Variants in HEATR4 observed in about 807,000 individuals in gnomAD.
HEATR4 encodes the protein HEAT repeat containing 4, also known as HEAT repeat-containing protein 4.
Under a neutral mutation model 108.8 loss-of-function variants are expected in HEATR4, and 95 were observed. The ratio of observed to expected loss-of-function variants is 0.87; its 90% CI spans 0.74 to 1.04. The LOEUF (loss-of-function observed/expected upper bound fraction) is 1.04. Among genes scored for constraint, HEATR4 ranks in the 50% least tolerant of loss-of-function variants. HEATR4 has a pLI of 0.00. For missense variants in HEATR4, 1,152 were observed against 1,253.8 expected (o/e 0.92, Z 1.23); for synonymous variants, 443 against 459.4 (o/e 0.96, Z 0.46).
At chr14:73,491,735 G>A (rs1275016975) in intron 17 of HEATR4, 1 of 1,554,072 alleles carries the variant, frequency 6.4e-7, no homozygotes, top group Non-Finnish European at 8.7e-7. Context: ...CTACTACCAG[G>A]GACTTTTCTC....
At chr14:73,519,514 G>T (rs753799078) in intron 4 of HEATR4, among the ~76,000 whole-genome samples, 4 of 152,130 alleles carry the variant, frequency 2.6e-5, no homozygotes, top group Non-Finnish European at 4.4e-5. Flanking sequence ...GGGAGGCCGA[G>T]GTGGGTGGAT....
At chr14:73,577,169 C>A in the HEATR4 span, among the ~76,000 whole-genome samples, 1 of 151,774 alleles carries the variant, frequency 6.6e-6, no homozygotes, top group Admixed American at 6.6e-5. Flanking sequence ...CGAGCTCAAA[C>A]AATCCTCCTG....
Position 73,478,831 on chromosome 14 carries a change from G to C in HEATR4, c.2856C>G (p.Pro952=). The C allele has an allele frequency of 6.2e-7, 1 of 1,603,210 alleles. No individual in the cohort carries two copies. The highest frequency in any genetic ancestry group is 8.5e-7 in the Non-Finnish European group (1 of 1,174,154). The change falls in exon 18 of 18, where the codon CCC becomes CCG. Residue 952 remains proline (P), a synonymous_variant. Transcript: ENST00000553558. ...TTTGTAACCAGGGATTTGGTGCGCG[G>C]GGCTTCACAGGCTGCAGAGAAACAT... ...DTEAVIKPVK[P]RAPNPWLQSS...
chr14:73,509,575 G>A (rs1214410527), intron 7 of HEATR4, 102 bp from the exon 8 acceptor site: 7 of 1,169,324 alleles, frequency 6.0e-6, no homozygotes, highest in Non-Finnish European at 8.7e-6. Context: ...AGTCCCAGCT[G>A]CAGTTGCTTA....
the HEATR4 span, chr14:73,611,521 G>C: frequency 6.6e-6 from 1 of 152,158 alleles, no homozygotes; most frequent in South Asian, 2.1e-4. Context: ...CACAGGCTGA[G>C]AGTGCCACTT....
At chr14:73,561,209 T>C (rs530145502), upstream of HEATR4, among the ~76,000 whole-genome samples, 3 of 150,734 alleles carry the variant, frequency 2.0e-5, no homozygotes, top group South Asian at 6.3e-4. Flanking sequence ...CTACTAAAAA[T>C]ACAAAAATTA....
At chr14:73,478,891 G>T in intron 17 of HEATR4, 49 bp from the exon 18 acceptor site, 1 of 1,442,074 alleles carries the variant, frequency 6.9e-7, no homozygotes, top group Non-Finnish European at 9.5e-7. Flanking sequence ...CGTGTCTCAT[G>T]TGAGCGGCAG....
At chr14:73,567,207 G>A in the HEATR4 span, among the ~76,000 whole-genome samples, 1 of 152,088 alleles carries the variant, frequency 6.6e-6, no homozygotes, top group Admixed American at 6.6e-5. Context: ...AGTAAACTGG[G>A]ATTACAGGCG....
intron 10 of HEATR4, 105 bp downstream of exon 10, chr14:73,506,362 T>G (rs1265443993): frequency 5.4e-6 from 4 of 735,940 alleles, no homozygotes; most frequent in Non-Finnish European, 9.5e-6. Flanking sequence ...GGAACAGAGA[T>G]CTGTTTGGTA....
At chr14:73,579,274 A>T in the HEATR4 span, among the ~76,000 whole-genome samples, 26 of 91,762 alleles carry the variant, frequency 2.8e-4, no homozygotes, top group African/African-American at 1.7e-3. Flanking sequence ...TTAAAAAAAA[A>T]AAAAAAAAAA....
chr14:73,549,455 A>G (rs1889288244), intron 1 of HEATR4, among the ~76,000 whole-genome samples: 1 of 128,436 alleles, frequency 7.8e-6, no homozygotes, highest in African/African-American at 2.7e-5. Context: ...CCCAGGAAGT[A>G]GAGAACATTC....
In HEATR4 at chr14:73,544,175, T is replaced by G. The variant is rs1279656568; in HGVS notation, c.-151-13931A>C. ...CGGGCGTGGTGGCGCATGCCTGTAGTCCCAGCTACTCAGGAGGCTGACGCA... is the reference window on the plus strand; with the variant it reads ...CGGGCGTGGTGGCGCATGCCTGTAGGCCCAGCTACTCAGGAGGCTGACGCA... On this transcript the variant is annotated intron_variant, in intron 1 of 17. Coordinates refer to ENST00000553558, the MANE Select transcript of HEATR4 (RefSeq NM_001220484.1). 7.0e-5 allele frequency among the ~76,000 whole-genome samples: 8 copies of G among 114,794 alleles called. 2 individuals carry two copies. The highest frequency in any genetic ancestry group is 2.0e-4 in the African/African-American group (7 of 35,436). 75.3% of individuals were successfully genotyped at this position (114,794 alleles called of 152,430 possible). A position where few individuals can be genotyped will look rare whatever the true frequency, so the allele number is the denominator to read the frequency against.
intron 11 of HEATR4, among the ~76,000 whole-genome samples, chr14:73,501,372 G>A (rs1198525115): frequency 1.3e-5 from 2 of 151,832 alleles, no homozygotes; most frequent in South Asian, 2.1e-4. Context: ...TGATCTGCCC[G>A]CCTCGGCCTC....
At chr14:73,502,472 T>C (rs1180527156) in intron 11 of HEATR4, among the ~76,000 whole-genome samples, 1 of 152,134 alleles carries the variant, frequency 6.6e-6, no homozygotes, top group Non-Finnish European at 1.5e-5. Flanking sequence ...GGACTGTTAA[T>C]TTTTTACAGT....
chr14:73,610,442 T>C, the HEATR4 span, among the ~76,000 whole-genome samples: 1 of 151,972 alleles, frequency 6.6e-6, no homozygotes, highest in Admixed American at 6.6e-5. Flanking sequence ...AGGCGCGTGC[T>C]GCCACGTTCA....
chr14:73,617,335 C>T, the HEATR4 span: 4 of 1,179,832 alleles, frequency 3.4e-6, no homozygotes, highest in Non-Finnish European at 5.0e-6. Context: ...AGGGTGGAAG[C>T]TGGGCATGGT....
intron 17 of HEATR4, among the ~76,000 whole-genome samples, chr14:73,489,984 C>G (rs1885612388): frequency 6.6e-6 from 1 of 151,904 alleles, no homozygotes; most frequent in African/African-American, 2.4e-5. Context: ...AAGAATTCTG[C>G]ACTTTTTGGT....
the HEATR4 span, among the ~76,000 whole-genome samples, chr14:73,625,352 C>A: frequency 6.6e-6 from 1 of 150,594 alleles, no homozygotes; most frequent in South Asian, 2.1e-4. Context: ...GCCACCGCGC[C>A]CAGCCTATTT....
At chr14:73,527,751 G>C (rs566197179) in intron 2 of HEATR4, among the ~76,000 whole-genome samples, 1 of 151,914 alleles carries the variant, frequency 6.6e-6, no homozygotes, top group African/African-American at 2.4e-5. Context: ...GCCAAGGCAG[G>C]TGGATCACCT....
Sources: allele counts gnomAD v4.1 joint callset (sites outside exome capture counted in the v4.1 genomes callset), GRCh38; gene constraint gnomAD v4.1.1; transcripts MANE v1.5; gene names NCBI Gene and HGNC (gene_info 2026-07-23, HGNC 2026-07-21).